The following COL19A1 variants were observed in gnomAD, a reference collection of about 807,000 sequenced individuals.
COL19A1 encodes collagen type XIX alpha 1 chain, also known as collagen alpha-1(XIX) chain.
A neutral mutation model predicts 190.2 loss-of-function variants in COL19A1; 159 were observed. The ratio of observed to expected loss-of-function variants is 0.84; its 90% CI spans 0.73 to 0.95. The LOEUF (loss-of-function observed/expected upper bound fraction) is 0.95, where lower values mean the gene tolerates loss of function less well. Among genes scored for constraint, COL19A1 ranks in the 40% least tolerant of loss-of-function variants. COL19A1 has a pLI of 0.00. For missense variants in COL19A1, 1,418 were observed against 1,431.9 expected (o/e 0.99, Z 0.16); for synonymous variants, 509 against 458.9 (o/e 1.11, Z -1.39).
intron 16 of COL19A1, among the ~76,000 whole-genome samples, chr6:70,104,640 A>T: frequency 6.6e-6 from 1 of 152,186 alleles, no homozygotes; most frequent in Non-Finnish European, 1.5e-5. Context: ...GTTGATTTTT[A>T]TTTCAAAGTT....
At chr6:69,904,396 G>T (rs1247099626) in intron 4 of COL19A1, among the ~76,000 whole-genome samples, 1 of 152,190 alleles carries the variant, frequency 6.6e-6, no homozygotes, top group African/African-American at 2.4e-5. Flanking sequence ...CGAAGGGAGG[G>T]GTGAGTTGTG....
intron 2 of COL19A1, among the ~76,000 whole-genome samples, chr6:69,889,521 G>A (rs1316083306): frequency 6.6e-6 from 1 of 150,492 alleles, no homozygotes; most frequent in Non-Finnish European, 1.5e-5. Flanking sequence ...GCACCAATCA[G>A]CACTCTGTAA....
chr6:69,878,975 T>C (rs889157031), intron 1 of COL19A1, among the ~76,000 whole-genome samples: 1 of 152,200 alleles, frequency 6.6e-6, no homozygotes, highest in Non-Finnish European at 1.5e-5. Flanking sequence ...ATTCCACTTA[T>C]ATGAAGTACC....
At chr6:69,921,161 A>G (rs1771734770) in intron 4 of COL19A1, among the ~76,000 whole-genome samples, 1 of 129,036 alleles carries the variant, frequency 7.7e-6, no homozygotes, top group Non-Finnish European at 1.5e-5. Flanking sequence ...TATCACGTAT[A>G]TATTCATATA....
At position 69,932,735 on chromosome 6, in the gene COL19A1, G is replaced by A. The variant is rs145254367; in HGVS notation, c.667-48G>A. ...TACTGTAGTTCTTAACTGCCTGAATGTGATTCCAAAAAACTAAAGATGTTT... is the reference window on the plus strand; with the variant it reads ...TACTGTAGTTCTTAACTGCCTGAATATGATTCCAAAAAACTAAAGATGTTT... On this transcript the variant is annotated intron_variant, in intron 6 of 50. Coordinates refer to ENST00000620364, the MANE Select transcript of COL19A1 (RefSeq NM_001858.6). 8.9e-5 allele frequency: 101 copies of A among 1,132,240 alleles called. 1 individual carries two copies. Among genetic ancestry groups the A allele is most frequent in the Middle Eastern group, 2.5e-4 (1 of 4,078 alleles). The allele number at this position is 1,132,240 out of a possible 1,614,324, so 70.1% of individuals were successfully genotyped here. A position where few individuals can be genotyped will look rare whatever the true frequency, so the allele number is the denominator to read the frequency against.
Position 70,207,764 on chromosome 6 carries a change from A to T in COL19A1, c.*490A>T, listed in dbSNP as rs1285083508. 4 of 152,016 alleles carry T rather than the reference A, an allele frequency of 2.6e-5. No individual in the cohort carries two copies. The East Asian group carries it at 7.8e-4, about 29-fold the overall frequency. The allele number at this position is 152,016 out of a possible 1,614,324, so 9.4% of individuals were successfully genotyped here. A position where few individuals can be genotyped will look rare whatever the true frequency, so the allele number is the denominator to read the frequency against. On this transcript the variant is annotated 3_prime_UTR_variant, in exon 51 of 51. Coordinates refer to ENST00000620364, the MANE Select transcript of COL19A1 (RefSeq NM_001858.6). The stretch of plus-strand genomic sequence containing the variant: ...CATTGCTCCTGTTGAATGTTTTTTG[A>T]CTACTTTTTATAACTTAAGAATTTT...
At chr6:70,117,701 T>A (rs559719099) in intron 16 of COL19A1, among the ~76,000 whole-genome samples, 4 of 152,300 alleles carry the variant, frequency 2.6e-5, no homozygotes, top group African/African-American at 9.6e-5. Context: ...CATTAGCATA[T>A]TTTAGCTGCT....
At chr6:69,878,892 CA>C (rs1301011255) in intron 1 of COL19A1, among the ~76,000 whole-genome samples, 13 of 152,148 alleles carry the variant, frequency 8.5e-5, no homozygotes, top group African/African-American at 3.1e-4. Context: ...AGTTCTGAAA[CA>C]ATGTACAAAA....
intron 49 of COL19A1, chr6:70,200,007 A>G: frequency 6.8e-6 from 2 of 294,466 alleles, no homozygotes; most frequent in South Asian, 3.4e-5. Flanking sequence ...AATATTTATT[A>G]TAACAATAAC....
intron 31 of COL19A1, 112 bp from the exon 32 acceptor site, chr6:70,156,015 A>G (rs1034311712): frequency 1.3e-6 from 1 of 777,228 alleles, no homozygotes; most frequent in Non-Finnish European, 2.1e-6. Context: ...AGAATGACCT[A>G]TCTATATCAC....
intron 14 of COL19A1, among the ~76,000 whole-genome samples, chr6:70,063,725 A>G (rs995593245): frequency 1.3e-5 from 2 of 152,226 alleles, no homozygotes; most frequent in South Asian, 2.1e-4. Flanking sequence ...CAGAATTGAT[A>G]GACCGCTAGC....
intron 15 of COL19A1, among the ~76,000 whole-genome samples, chr6:70,069,237 T>A (rs763830748): frequency 2.0e-5 from 3 of 152,140 alleles, no homozygotes; most frequent in Non-Finnish European, 4.4e-5. Flanking sequence ...AGAGTTTAGA[T>A]GATGTGCCTA....
intron 44 of COL19A1, among the ~76,000 whole-genome samples, chr6:70,184,017 G>A (rs868586685): frequency 6.6e-5 from 10 of 152,262 alleles, no homozygotes; most frequent in South Asian, 2.1e-4. Flanking sequence ...ACTAGGCTTC[G>A]TTATCACTTC....
intron 16 of COL19A1, among the ~76,000 whole-genome samples, chr6:70,106,381 C>G (rs1441178489): frequency 2.0e-5 from 3 of 150,698 alleles, no homozygotes; most frequent in African/African-American, 7.3e-5. Context: ...ACGTTTTGTC[C>G]CCTGAGACAT....
intron 11 of COL19A1, chr6:69,973,854 G>A (rs549184019): frequency 1.3e-5 from 2 of 152,264 alleles, no homozygotes; most frequent in Admixed American, 1.3e-4. Flanking sequence ...ACCGGCATGT[G>A]AACTTCTTTC....
chr6:69,873,447 G>A (rs751615397), intron 1 of COL19A1, among the ~76,000 whole-genome samples: 1 of 152,108 alleles, frequency 6.6e-6, no homozygotes, highest in African/African-American at 2.4e-5. Context: ...GGCTTTTCAA[G>A]CTGCAGATGG....
chr6:70,171,606 A>G (rs1483364968), intron 40 of COL19A1, among the ~76,000 whole-genome samples: 1 of 152,220 alleles, frequency 6.6e-6, no homozygotes, highest in Non-Finnish European at 1.5e-5. Flanking sequence ...AAAATCTAGC[A>G]GCACCAGGTA....
intron 15 of COL19A1, among the ~76,000 whole-genome samples, chr6:70,087,581 C>CT (rs533576956): frequency 0.015 from 2,211 of 152,248 alleles, 26 homozygotes; most frequent in Non-Finnish European, 0.02. Context: ...AGCTTTTACT[C>CT]TGAGTAAGGG....
At chr6:69,981,172 T>C (rs2150065151) in intron 11 of COL19A1, among the ~76,000 whole-genome samples, 1 of 152,260 alleles carries the variant, frequency 6.6e-6, no homozygotes, top group Non-Finnish European at 1.5e-5. Context: ...ACTTGTTAGG[T>C]ATACAAAAAA....
Sources: gnomAD v4.1 joint callset for allele counts (sites outside exome capture counted in the v4.1 genomes callset) on GRCh38, gnomAD v4.1.1 for gene constraint, MANE v1.5 for transcripts, NCBI Gene and HGNC (gene_info 2026-07-23, HGNC 2026-07-21) for gene names.